CD44: variants seen among roughly 807,000 people sequenced by gnomAD.
The protein encoded by CD44 is CD44 antigen.
Under a neutral mutation model 88.8 loss-of-function variants are expected in CD44, and 49 were observed. The observed-to-expected ratio is 0.55, with a 90% CI of 0.44 to 0.70. The LOEUF (loss-of-function observed/expected upper bound fraction) is 0.70, where lower values mean the gene tolerates loss of function less well. Ranked by LOEUF, CD44 falls within the 30% of genes least tolerant of loss-of-function variation. The pLI is 0.00. For synonymous variants in CD44, 325 were observed against 312.3 expected, an observed-to-expected ratio of 1.04 and a Z score of -0.43; for missense variants, 883 against 913.8, an observed-to-expected ratio of 0.97 and a Z score of 0.43.
chr11:35,226,023 G>A (rs886205963), intron 17 of CD44, among the ~76,000 whole-genome samples: 5 of 152,120 alleles, frequency 3.3e-5, no homozygotes, highest in African/African-American at 1.2e-4. Flanking sequence ...TTATAACTAG[G>A]AATAACTTAA....
chr11:35,176,216 A>C (rs1429912868), intron 1 of CD44, among the ~76,000 whole-genome samples: 1 of 151,440 alleles, frequency 6.6e-6, no homozygotes, highest in Non-Finnish European at 1.5e-5. Flanking sequence ...CTAATTTTTT[A>C]TATTTTTAGT....
chr11:35,173,370 C>T (rs1307873769), intron 1 of CD44, among the ~76,000 whole-genome samples: 1 of 152,178 alleles, frequency 6.6e-6, no homozygotes, highest in Non-Finnish European at 1.5e-5. Flanking sequence ...CCAACTGAGG[C>T]CAAAGTTGAA....
At chr11:35,196,367 G>A (rs1385978347) in intron 5 of CD44, among the ~76,000 whole-genome samples, 4 of 152,160 alleles carry the variant, frequency 2.6e-5, no homozygotes. Context: ...AGGCAAAAAA[G>A]TTTAATCCCT....
intron 4 of CD44, among the ~76,000 whole-genome samples, chr11:35,188,983 A>G (rs765827832): frequency 7.9e-5 from 12 of 152,310 alleles, no homozygotes; most frequent in East Asian, 1.9e-4. Context: ...TATGTGGCCA[A>G]AAAGAACCTT....
intron 3 of CD44, among the ~76,000 whole-genome samples, chr11:35,184,134 AG>A (rs1215959337): frequency 4.0e-5 from 6 of 151,856 alleles, no homozygotes; most frequent in Non-Finnish European, 8.8e-5. Context: ...ATGGAAAGAA[AG>A]GCTATCTAAT....
chr11:35,175,463 T>A (rs1000130135), intron 1 of CD44, among the ~76,000 whole-genome samples: 4 of 152,208 alleles, frequency 2.6e-5, no homozygotes, highest in Admixed American at 1.3e-4. Flanking sequence ...TTTGTGTGTA[T>A]GTGTGTATGT....
At chr11:35,149,407 C>T (rs1859866404) in intron 1 of CD44, among the ~76,000 whole-genome samples, 1 of 152,210 alleles carries the variant, frequency 6.6e-6, no homozygotes, top group Admixed American at 6.5e-5. Flanking sequence ...CAGTTGATTC[C>T]CCTCTTGCCA....
At chr11:35,152,337 A>C (rs1275593612) in intron 1 of CD44, among the ~76,000 whole-genome samples, 1 of 152,326 alleles carries the variant, frequency 6.6e-6, no homozygotes, top group East Asian at 1.9e-4. Context: ...AGGTAAGATA[A>C]GATAGAACCA....
At chr11:35,139,567 G>T (rs765629508) in intron 1 of CD44, 197 bp downstream of exon 1, 1 of 768,212 alleles carries the variant, frequency 1.3e-6, no homozygotes, top group East Asian at 2.4e-5. Context: ...GCACCATTTG[G>T]TTGAAAGAAA....
At chr11:35,176,523 G>C (rs762067831) in intron 1 of CD44, 52 bp from the exon 2 acceptor site, 1 of 1,547,634 alleles carries the variant, frequency 6.5e-7, no homozygotes, top group South Asian at 1.2e-5. Context: ...ACTTATTACT[G>C]TCTCCAAATT....
At chr11:35,194,264 T>C (rs1946529025) in intron 5 of CD44, among the ~76,000 whole-genome samples, 2 of 152,208 alleles carry the variant, frequency 1.3e-5, no homozygotes, top group Admixed American at 1.3e-4. Flanking sequence ...GTCCTAAGAT[T>C]GTGGGAGACA....
intron 1 of CD44, among the ~76,000 whole-genome samples, chr11:35,170,062 A>G (rs796090660): frequency 7.2e-5 from 11 of 152,354 alleles, no homozygotes; most frequent in African/African-American, 2.6e-4. Flanking sequence ...TGCAATGCTC[A>G]TTGGCTCTGA....
intron 1 of CD44, among the ~76,000 whole-genome samples, chr11:35,171,152 T>A (rs1212631991): frequency 2.6e-5 from 4 of 152,204 alleles, no homozygotes; most frequent in Non-Finnish European, 4.4e-5. Context: ...CGGGTAATAA[T>A]TTGGGTTTGC....
At chr11:35,186,792 G>A in intron 3 of CD44, 40 bp from the exon 4 acceptor site, 1 of 1,193,058 alleles carries the variant, frequency 8.4e-7, no homozygotes, top group Non-Finnish European at 1.3e-6. Flanking sequence ...TTTTCCTCAT[G>A]TTTTTAAAGG....
At chr11:35,202,056 A>G (rs200095509) in intron 9 of CD44, among the ~76,000 whole-genome samples, 2 of 152,222 alleles carry the variant, frequency 1.3e-5, no homozygotes, top group Admixed American at 1.3e-4. Context: ...TAGAGGTTCC[A>G]TTTGGGTAAC....
chr11:35,142,708 G>A (rs1366975731), intron 1 of CD44, among the ~76,000 whole-genome samples: 1 of 152,204 alleles, frequency 6.6e-6, no homozygotes, highest in Non-Finnish European at 1.5e-5. Flanking sequence ...ATGGTGACAA[G>A]TCCTTGTGTG....
chr11:35,157,989 C>T (rs1032671689), intron 1 of CD44, among the ~76,000 whole-genome samples: 15 of 152,114 alleles, frequency 9.9e-5, no homozygotes, highest in African/African-American at 2.4e-4. Context: ...GGCTTCCTTC[C>T]GCATAGTTTC....
At position 35,232,378 on chromosome 11, in the gene CD44, A is replaced by G. The variant is rs1950100355; in HGVS notation, c.*3045A>G. 1 of 152,694 alleles carries G rather than the reference A, an allele frequency of 6.5e-6. No homozygotes were observed. Among genetic ancestry groups the G allele is most frequent in the Admixed American group, 6.5e-5 (1 of 15,292 alleles). The allele number at this position is 152,694 out of a possible 1,614,324, so 9.5% of individuals were successfully genotyped here. On this transcript the variant is annotated 3_prime_UTR_variant, in exon 18 of 18. Coordinates refer to ENST00000428726, the MANE Select transcript of CD44 (RefSeq NM_000610.4). ...CTTATTGGAAAATATTAAAAGGCTA[A>G]CATTAAAAGACTAAAGGAAACAGAC...
At chr11:35,194,673 A>G (rs1223081831) in intron 5 of CD44, among the ~76,000 whole-genome samples, 3 of 152,204 alleles carry the variant, frequency 2.0e-5, no homozygotes, top group Non-Finnish European at 4.4e-5. Context: ...GTACCACTTC[A>G]TATATCAGAA....
Sources: gnomAD v4.1 joint callset for allele counts (sites outside exome capture counted in the v4.1 genomes callset) on GRCh38, gnomAD v4.1.1 for gene constraint, MANE v1.5 for transcripts, NCBI Gene and HGNC (gene_info 2026-07-23, HGNC 2026-07-21) for gene names.